Variants in RPL22 observed in about 807,000 individuals in gnomAD.
RPL22 encodes large ribosomal subunit protein eL22.
Under a neutral mutation model 16.2 loss-of-function variants are expected in RPL22, and 4 were observed. The observed-to-expected ratio is 0.25, with a 90% confidence interval of 0.12 to 0.57. RPL22 has a LOEUF of 0.57. Ranked by LOEUF, RPL22 falls within the 20% of genes least tolerant of loss-of-function variation. The pLI is 0.92. For missense variants in RPL22, 83 were observed against 156.1 expected (o/e 0.53, Z 2.49); for synonymous variants, 43 against 54.8 (o/e 0.78, Z 0.95).
rs1434003581 is a variant in RPL22 at position 6,185,918 on chromosome 1, G to T, written c.*754C>A. 1 of 230,520 alleles carries T rather than the reference G, an allele frequency of 4.3e-6. No homozygotes were observed. The highest frequency in any genetic ancestry group is 5.7e-5 in the Admixed American group (1 of 17,666). The allele number at this position is 230,520 out of a possible 1,614,324, so 14.3% of individuals were successfully genotyped here. On this transcript the variant is annotated 3_prime_UTR_variant, in exon 4 of 4. Transcript: ENST00000234875. ...ACCTCCAGAGCTCTTGGCATCAGGG[G>T]CCCCCATTGCTGGGCCCCACACGGG... is the stretch of plus-strand genomic sequence containing the variant.
intron 2 of RPL22, among the ~76,000 whole-genome samples, chr1:6,193,702 C>T (rs1667681885): frequency 6.6e-6 from 1 of 152,144 alleles, no homozygotes; most frequent in Non-Finnish European, 1.5e-5. Flanking sequence ...CCTCCCACCT[C>T]AGCCTCCCAA....
At chr1:6,190,107 C>T (rs1166733172) in intron 3 of RPL22, among the ~76,000 whole-genome samples, 2 of 152,252 alleles carry the variant, frequency 1.3e-5, no homozygotes, top group East Asian at 1.9e-4. Flanking sequence ...ACGCAAGTGA[C>T]GCATGTCAGG....
chr1:6,186,847 G>C (rs1455195751), intron 3 of RPL22, 31 bp from the exon 4 acceptor site: 1 of 1,608,898 alleles, frequency 6.2e-7, no homozygotes, highest in East Asian at 2.2e-5. Context: ...AACTCCACTA[G>C]ACAGTTGGTG....
At chr1:6,199,528 C>A (rs369611211) in intron 1 of RPL22, 34 bp downstream of exon 1, 2 of 1,554,434 alleles carry the variant, frequency 1.3e-6, no homozygotes, top group Admixed American at 1.9e-5. Flanking sequence ...CGTGCCTCCC[C>A]TGGAGCCGAG....
chr1:6,199,509 C>G (rs1237152363), intron 1 of RPL22, 53 bp downstream of exon 1: 1 of 1,546,286 alleles, frequency 6.5e-7, no homozygotes, highest in African/African-American at 1.4e-5. Context: ...CCGGGCTCGG[C>G]GAGGCCCACG....
At chr1:6,197,193 C>A (rs547656525) in intron 2 of RPL22, among the ~76,000 whole-genome samples, 20 of 152,266 alleles carry the variant, frequency 1.3e-4, no homozygotes, top group Non-Finnish European at 2.8e-4. Flanking sequence ...CCACACCCAG[C>A]TAATTTTTTT....
In RPL22 at chr1:6,199,580, A is replaced by G. The variant is rs1461285849; in HGVS notation, c.-7T>C. On this transcript the variant is annotated 5_prime_UTR_variant, in exon 1 of 4. Transcript: ENST00000234875. The stretch of plus-strand genomic sequence containing the variant: ...TACTAACCACAGGAGCCATGGCGGC[A>G]GCGGAGTTAGAAAGGGAGGTGAGCG... The G allele has an allele frequency of 3.2e-6, 5 of 1,568,340 alleles. No individual in the cohort carries two copies. Among genetic ancestry groups the G allele is most frequent in the Non-Finnish European group, 4.3e-6 (5 of 1,156,876 alleles).
chr1:6,196,860 G>C (rs1047527274), intron 2 of RPL22, among the ~76,000 whole-genome samples: 1 of 151,900 alleles, frequency 6.6e-6, no homozygotes, highest in Non-Finnish European at 1.5e-5. Flanking sequence ...TCATAATATA[G>C]AAAAGCTTCG....
intron 3 of RPL22, among the ~76,000 whole-genome samples, chr1:6,192,153 C>T (rs1667660434): frequency 6.6e-6 from 1 of 152,030 alleles, no homozygotes; most frequent in Admixed American, 6.6e-5. Context: ...GGGCTCAAGC[C>T]ATCCTCCCAC....
intron 2 of RPL22, among the ~76,000 whole-genome samples, chr1:6,195,069 G>A (rs1006986156): frequency 6.6e-5 from 10 of 151,704 alleles, no homozygotes; most frequent in East Asian, 3.9e-4. Flanking sequence ...CACGGTAGGC[G>A]GAGCTTACAG....
rs1228910702 is a variant in RPL22, at chr1:6,199,390, G to A, written c.12+172C>T. 3.0e-6 allele frequency: 4 copies of A among 1,341,010 alleles called. 1 individual carries two copies. The highest frequency in any genetic ancestry group is 2.1e-5 in the South Asian group (1 of 48,360). 83.1% of individuals were successfully genotyped at this position (1,341,010 alleles called of 1,614,324 possible). On this transcript the variant is annotated intron_variant, in intron 1 of 3. Transcript: ENST00000234875. ...CGAGCCTCGGGCCGCGGCCTCCTCC[G>A]CCTACAACGTGCTGGGATCGGCAGG... is the stretch of plus-strand genomic sequence containing the variant.
chr1:6,191,408 C>A (rs1483013753), intron 3 of RPL22, among the ~76,000 whole-genome samples: 4 of 147,268 alleles, frequency 2.7e-5, no homozygotes, highest in African/African-American at 1.0e-4. Context: ...TGGCTCACGC[C>A]TGTAATCCCA....
chr1:6,195,068 C>T (rs1211269025), intron 2 of RPL22, among the ~76,000 whole-genome samples: 1 of 151,416 alleles, frequency 6.6e-6, no homozygotes, highest in African/African-American at 2.4e-5. Context: ...ACACGGTAGG[C>T]GGAGCTTACA....
chr1:6,191,085 C>T (rs1418470103), intron 3 of RPL22, among the ~76,000 whole-genome samples: 1 of 151,882 alleles, frequency 6.6e-6, no homozygotes, highest in East Asian at 1.9e-4. Flanking sequence ...TTAGGCCGGG[C>T]GCGGTGGCTC....
At chr1:6,199,491 G>A in intron 1 of RPL22, 71 bp downstream of exon 1, 1 of 1,540,850 alleles carries the variant, frequency 6.5e-7, no homozygotes. Flanking sequence ...AGCGAGCCTG[G>A]GTAGATGCCG....
chr1:6,186,036 C>T lies in RPL22; in HGVS notation c.*636G>A, dbSNP rs1281879067. 1.7e-5 allele frequency: 4 copies of T among 230,680 alleles called. No individual in the cohort carries two copies. The highest frequency in any genetic ancestry group is 6.6e-5 in the African/African-American group (3 of 45,190). The allele number at this position is 230,680 out of a possible 1,614,324, so 14.3% of individuals were successfully genotyped here. On this transcript the variant is annotated 3_prime_UTR_variant, in exon 4 of 4. Transcript: ENST00000234875. ...AAGACCTGTAGAAACATTACTTACA[C>T]GTTCATTTCTGTACACATTTAGTTA...
intron 3 of RPL22, among the ~76,000 whole-genome samples, chr1:6,191,993 G>A (rs1227228220): frequency 2.0e-5 from 3 of 148,698 alleles, no homozygotes; most frequent in Admixed American, 6.7e-5. Flanking sequence ...AGCAAGACTC[G>A]GTTTCAAAAA....
At chr1:6,187,244 G>A (rs1667593023) in intron 3 of RPL22, among the ~76,000 whole-genome samples, 1 of 151,996 alleles carries the variant, frequency 6.6e-6, no homozygotes, top group South Asian at 2.1e-4. Flanking sequence ...GGAGGCGGAG[G>A]GTGTAGTGAG....
chr1:6,195,686 G>T (rs185231433), intron 2 of RPL22, among the ~76,000 whole-genome samples: 93 of 151,054 alleles, frequency 6.2e-4, no homozygotes, highest in African/African-American at 2.2e-3. Context: ...GGAAGGTGGA[G>T]GTTGCAGTGA....
Sources: gnomAD v4.1 joint callset for allele counts (sites outside exome capture counted in the v4.1 genomes callset) on GRCh38, gnomAD v4.1.1 for gene constraint, MANE v1.5 for transcripts, NCBI Gene and HGNC (gene_info 2026-07-23, HGNC 2026-07-21) for gene names.